DNM3: variants seen among roughly 807,000 people sequenced by gnomAD.
The protein encoded by DNM3 is dynamin-3.
Under a neutral mutation model 101.6 loss-of-function variants are expected in DNM3, and 47 were observed. The observed-to-expected ratio is 0.46, with a 90% CI of 0.37 to 0.59. The LOEUF (loss-of-function observed/expected upper bound fraction) is 0.59. DNM3 is among the 20% of genes least tolerant of loss of function. The probability of loss-of-function intolerance (pLI) is 0.00; values close to 1 mark genes in which losing one functional copy is unlikely to be tolerated. For missense variants in DNM3, 849 were observed against 1,085.7 expected, an observed-to-expected ratio of 0.78 and a Z score of 3.06; for synonymous variants, 385 against 387.9, an observed-to-expected ratio of 0.99 and a Z score of 0.09.
intron 4 of DNM3, among the ~76,000 whole-genome samples, chr1:172,001,500 T>C (rs1196782009): frequency 6.6e-6 from 1 of 152,030 alleles, no homozygotes; most frequent in African/African-American, 2.4e-5. Context: ...AGCACAGCAG[T>C]ATTTTAGCAT....
chr1:172,036,870 G>T (rs2049007270), intron 6 of DNM3, among the ~76,000 whole-genome samples: 1 of 151,638 alleles, frequency 6.6e-6, no homozygotes, highest in Admixed American at 6.6e-5. Flanking sequence ...CCTACAAAAT[G>T]GGAGAAAATT....
chr1:172,205,232 G>A (rs985070655), intron 14 of DNM3, among the ~76,000 whole-genome samples: 5 of 152,002 alleles, frequency 3.3e-5, no homozygotes, highest in Non-Finnish European at 7.4e-5. Flanking sequence ...GTTACCTTTT[G>A]CTATCATCTC....
chr1:172,050,573 A>G (rs987180480), intron 10 of DNM3, among the ~76,000 whole-genome samples: 3 of 152,216 alleles, frequency 2.0e-5, no homozygotes, highest in Non-Finnish European at 4.4e-5. Flanking sequence ...TTAGCTACAA[A>G]AGCTCTGCTA....
chr1:172,394,562 T>C (rs1189104033), intron 20 of DNM3, among the ~76,000 whole-genome samples: 6 of 152,238 alleles, frequency 3.9e-5, no homozygotes, highest in African/African-American at 1.4e-4. Context: ...CACAACTGCT[T>C]CCACATCCCA....
chr1:172,048,563 A>G (rs201460546), intron 9 of DNM3, 49 bp from the exon 10 acceptor site: 84 of 1,555,498 alleles, frequency 5.4e-5, no homozygotes, highest in Middle Eastern at 3.5e-4. Context: ...ATTTTTGAAT[A>G]TTACTCAATT....
At chr1:172,264,747 C>T (rs1446182337) in intron 15 of DNM3, among the ~76,000 whole-genome samples, 1 of 152,116 alleles carries the variant, frequency 6.6e-6, no homozygotes, top group Admixed American at 6.6e-5. Flanking sequence ...TATAGATAAT[C>T]TCGTCGGTCT....
intron 14 of DNM3, among the ~76,000 whole-genome samples, chr1:172,190,359 T>C (rs955238737): frequency 2.0e-5 from 3 of 152,296 alleles, no homozygotes. Flanking sequence ...TTTTTATGGC[T>C]GCATAGTATT....
At chr1:172,405,611 C>G (rs2070820770) in intron 20 of DNM3, among the ~76,000 whole-genome samples, 2 of 151,996 alleles carry the variant, frequency 1.3e-5, no homozygotes, top group Non-Finnish European at 2.9e-5. Context: ...AGTCTAAAAT[C>G]AACTTTTTAT....
chr1:172,268,370 T>C (rs2062953317), intron 15 of DNM3, among the ~76,000 whole-genome samples: 1 of 152,232 alleles, frequency 6.6e-6, no homozygotes, highest in African/African-American at 2.4e-5. Flanking sequence ...TCTTTTCCTT[T>C]GTTCTAGTCC....
chr1:171,972,150 C>T (rs1374377560), intron 2 of DNM3, among the ~76,000 whole-genome samples: 1 of 152,222 alleles, frequency 6.6e-6, no homozygotes, highest in African/African-American at 2.4e-5. Flanking sequence ...AAGACATAGT[C>T]CTACTCTCTA....
intron 17 of DNM3, among the ~76,000 whole-genome samples, chr1:172,353,986 A>G (rs1017015744): frequency 6.6e-6 from 1 of 151,950 alleles, no homozygotes; most frequent in Non-Finnish European, 1.5e-5. Flanking sequence ...CTTTGATTCC[A>G]CTTACTCGTG....
chr1:172,052,590 G>C (rs2050283689), intron 10 of DNM3, among the ~76,000 whole-genome samples: 1 of 152,150 alleles, frequency 6.6e-6, no homozygotes, highest in Non-Finnish European at 1.5e-5. Flanking sequence ...ATCAGTGAGA[G>C]TCCTGATTGC....
chr1:171,861,588 T>A (rs1021857065), intron 1 of DNM3, among the ~76,000 whole-genome samples: 6 of 151,984 alleles, frequency 3.9e-5, no homozygotes, highest in African/African-American at 1.4e-4. Flanking sequence ...ACAGATTAAC[T>A]CAAAATGGAT....
At chr1:172,132,780 A>G in intron 14 of DNM3, 1 of 651,822 alleles carries the variant, frequency 1.5e-6, no homozygotes, top group Non-Finnish European at 2.8e-6. Flanking sequence ...TCATTTAACC[A>G]TATTCAGCCT....
At position 172,356,275 on chromosome 1, in the gene DNM3, AAAC is replaced by A. The variant is rs563387567; in HGVS notation, c.1894-22737_1894-22735del. Among the ~76,000 whole-genome samples, 763 of 152,250 alleles carry A rather than the reference AAAC, an allele frequency of 5.0e-3. 4 individuals are homozygous for A. Among genetic ancestry groups the A allele is most frequent in the African/African-American group, 0.018 (729 of 41,582 alleles). On this transcript the variant is annotated intron_variant, in intron 17 of 20. Transcript: ENST00000627582. ...TTTAGGTAAATCTAAGCCAATATTA[AAAC>A]AACAAGAATAATAGTAATGTATGGT...
chr1:171,964,605 A>G (rs964748243), intron 2 of DNM3, among the ~76,000 whole-genome samples: 5 of 152,182 alleles, frequency 3.3e-5, no homozygotes, highest in Non-Finnish European at 4.4e-5. Flanking sequence ...GTCATGGGCA[A>G]TGGTCACCCA....
chr1:171,919,667 T>C lies in DNM3; in HGVS notation c.162-2081T>C, dbSNP rs573922642. ...TTTATTTTGATTAAATTTTAAATGATTGTTGAAGCCATCTAAACTAGCAGT... is the reference window on the plus strand; with the variant it reads ...TTTATTTTGATTAAATTTTAAATGACTGTTGAAGCCATCTAAACTAGCAGT... On this transcript the variant is annotated intron_variant, in intron 1 of 20. Coordinates refer to ENST00000627582, the MANE Select transcript of DNM3 (RefSeq NM_015569.5). 1.2e-4 allele frequency among the ~76,000 whole-genome samples: 19 copies of C among 152,318 alleles called. No homozygotes were observed. In the South Asian group the frequency reaches 3.9e-3, roughly 32 times the overall value.
intron 14 of DNM3, among the ~76,000 whole-genome samples, chr1:172,172,271 C>G (rs1387652014): frequency 3.3e-5 from 5 of 151,612 alleles, no homozygotes; most frequent in Admixed American, 3.3e-4. Flanking sequence ...GTAGTCCCCC[C>G]TAATTCACAG....
At chr1:172,127,448 G>A (rs974640183) in intron 13 of DNM3, among the ~76,000 whole-genome samples, 1 of 149,840 alleles carries the variant, frequency 6.7e-6, no homozygotes, top group African/African-American at 2.4e-5. Context: ...TCTCTCTGTT[G>A]CCCAGGCGGG....
Sources: allele counts gnomAD v4.1 joint callset (sites outside exome capture counted in the v4.1 genomes callset), GRCh38; gene constraint gnomAD v4.1.1; transcripts MANE v1.5; gene names NCBI Gene and HGNC (gene_info 2026-07-23, HGNC 2026-07-21).